Variants in TMBIM6 observed in about 807,000 individuals in gnomAD.
TMBIM6 encodes the protein transmembrane BAX inhibitor motif containing 6.
A neutral mutation model predicts 31.4 loss-of-function variants in TMBIM6; 13 were observed. The observed-to-expected ratio is 0.41, with a 90% CI of 0.27 to 0.66. TMBIM6 has a LOEUF of 0.66. Ranked by LOEUF, TMBIM6 falls within the 30% of genes least tolerant of loss-of-function variation. The pLI is 0.28. For missense variants in TMBIM6, 275 were observed against 289.5 expected (o/e 0.95, Z 0.36); for synonymous variants, 85 against 101.7 (o/e 0.84, Z 0.99).
At chr12:49,761,632 A>G in intron 8 of TMBIM6, 72 bp from the exon 9 acceptor site, 1 of 1,461,452 alleles carries the variant, frequency 6.8e-7, no homozygotes, top group South Asian at 1.2e-5. Flanking sequence ...TGGGGTTTAT[A>G]TTCTGCATCT....
At chr12:49,745,281 A>C (rs1945369576) in intron 1 of TMBIM6, among the ~76,000 whole-genome samples, 1 of 152,214 alleles carries the variant, frequency 6.6e-6, no homozygotes, top group South Asian at 2.1e-4. Context: ...CAAAATGTCC[A>C]TGGCCCTGTG....
In TMBIM6 at chr12:49,755,759, C is replaced by T. The variant is rs542178890; in HGVS notation, c.286+4C>T. The T allele has an allele frequency of 2.7e-5, 43 of 1,612,088 alleles. No individual in the cohort carries two copies. Among genetic ancestry groups the T allele is most frequent in the East Asian group, 8.9e-5 (4 of 44,796 alleles). ...GCTGGATTTGCATTCCTTACAGGTA[C>T]GTTAAGGGATTTGTCTAATTTTGAG... On this transcript the variant is annotated splice_donor_region_variant and intron_variant, in intron 4 of 9. Transcript: ENST00000267115.
rs996570358 is a variant in TMBIM6, at chr12:49,763,786, T to G, written c.*890T>G. ...GAATGGTTGAGCCTCTGGAGATCAT[T>G]GTAACCAATCCTGCCAGACCTGTTT... On this transcript the variant is annotated 3_prime_UTR_variant, in exon 10 of 10. Transcript: ENST00000267115. The G allele has an allele frequency of 9.2e-5, 14 of 152,216 alleles. No homozygotes were observed. Among genetic ancestry groups the G allele is most frequent in the African/African-American group, 3.4e-4 (14 of 41,432 alleles). 9.4% of individuals were successfully genotyped at this position (152,216 alleles called of 1,614,324 possible). A position where few individuals can be genotyped will look rare whatever the true frequency, so the allele number is the denominator to read the frequency against.
intron 1 of TMBIM6, among the ~76,000 whole-genome samples, 193 bp from the exon 2 acceptor site, chr12:49,752,271 C>T (rs979011335): frequency 1.3e-5 from 2 of 152,120 alleles, no homozygotes; most frequent in East Asian, 1.9e-4. Flanking sequence ...ATTCCTCTGT[C>T]GTCTTTAAGA....
In TMBIM6 at chr12:49,763,653, G is replaced by A. The variant is rs1356071962; in HGVS notation, c.*757G>A. ...GTGTATCAAGGTACAGCATCGTAGGGTTCCCCTAAACTTGCCCTGTTTTTG... is the reference window on the plus strand; with the variant it reads ...GTGTATCAAGGTACAGCATCGTAGGATTCCCCTAAACTTGCCCTGTTTTTG... On this transcript the variant is annotated 3_prime_UTR_variant, in exon 10 of 10. Coordinates refer to ENST00000267115, the MANE Select transcript of TMBIM6 (RefSeq NM_003217.3). 6.6e-6 allele frequency: 1 copy of A among 152,250 alleles called. No homozygotes were observed. Among genetic ancestry groups the A allele is most frequent in the Non-Finnish European group, 1.5e-5 (1 of 68,072 alleles). The allele number at this position is 152,250 out of a possible 1,614,324, so 9.4% of individuals were successfully genotyped here.
At position 49,762,910 on chromosome 12, in the gene TMBIM6, C is replaced by T. The variant is rs745385517; in HGVS notation, c.*14C>T. On this transcript the variant is annotated 3_prime_UTR_variant, in exon 10 of 10. Transcript: ENST00000267115. The stretch of plus-strand genomic sequence containing the variant: ...GAGAAGAAATGAAGTGACCATCCAG[C>T]CTTTCCCAATTAGACTTCCTCTCCT... 1 of 1,611,522 alleles carries T rather than the reference C, an allele frequency of 6.2e-7. No individual in the cohort carries two copies. Among genetic ancestry groups the T allele is most frequent in the Admixed American group, 1.7e-5 (1 of 60,008 alleles).
rs528870261 is a variant in TMBIM6 at position 49,764,055 on chromosome 12, T to C, written c.*1159T>C. On this transcript the variant is annotated 3_prime_UTR_variant, in exon 10 of 10. Transcript: ENST00000267115. Reference sequence around the variant, plus strand: ...TTCATTTTACTGATGCACTTTAGTTTTTGGTCTGTTACCTGTTTTCCAGAA... The same window carrying C: ...TTCATTTTACTGATGCACTTTAGTTCTTGGTCTGTTACCTGTTTTCCAGAA... 1 of 152,312 alleles carries C rather than the reference T, an allele frequency of 6.6e-6. No homozygotes were observed. The highest frequency in any genetic ancestry group is 1.5e-5 in the Non-Finnish European group (1 of 68,020). 9.4% of individuals were successfully genotyped at this position (152,312 alleles called of 1,614,324 possible). A position where few individuals can be genotyped will look rare whatever the true frequency, so the allele number is the denominator to read the frequency against.
In TMBIM6 at chr12:49,753,093, T is replaced by TGCTGTGGTACAAA. The variant is rs751537043; in HGVS notation, c.165+12_165+13insGCTGTGGTACAAA. 234 of 1,607,946 alleles carry TGCTGTGGTACAAA rather than the reference T, an allele frequency of 1.5e-4. 3 individuals carry two copies. The Middle Eastern group carries it at 2.6e-3, about 18-fold the overall frequency. ...CTCATTTCATTCAGGTAAGAACGAT[T>TGCTGTGGTACAAA]TTCTCTCCTGGTTGCTGTGGTACAA... On this transcript the variant is annotated intron_variant, in intron 3 of 9. Transcript: ENST00000267115.
At chr12:49,748,003 A>C (rs569560737) in intron 1 of TMBIM6, among the ~76,000 whole-genome samples, 1 of 152,172 alleles carries the variant, frequency 6.6e-6, no homozygotes, top group African/African-American at 2.4e-5. Context: ...TCCCTGGCTC[A>C]AGCGATTCTC....
At chr12:49,759,431 A>G in intron 8 of TMBIM6, 110 bp downstream of exon 8, 3 of 844,476 alleles carry the variant, frequency 3.6e-6, no homozygotes, top group Admixed American at 2.0e-5. Flanking sequence ...TTGGGAGTGT[A>G]TGTGGTAGGA....
chr12:49,743,011 G>C (rs116212927), intron 1 of TMBIM6, among the ~76,000 whole-genome samples: 3,050 of 131,686 alleles, frequency 0.023, 120 homozygotes, highest in African/African-American at 0.083. Flanking sequence ...TTTTGAGGCA[G>C]AGTCTCACTG....
intron 3 of TMBIM6, among the ~76,000 whole-genome samples, chr12:49,754,789 T>C (rs933137229): frequency 1.9e-4 from 29 of 152,344 alleles, no homozygotes; most frequent in African/African-American, 5.8e-4. Context: ...AAAGCTAATA[T>C]GTGTTCATTT....
chr12:49,762,939 ACC>A lies in TMBIM6; in HGVS notation c.*46_*47del, dbSNP rs754060331. 1 of 1,598,824 alleles carries A rather than the reference ACC, an allele frequency of 6.3e-7. No individual in the cohort carries two copies. Among genetic ancestry groups the A allele is most frequent in the Non-Finnish European group, 8.6e-7 (1 of 1,167,866 alleles). Reference sequence around the variant, plus strand: ...TCCCAATTAGACTTCCTCTCCTTCCACCCCTCATTTCCTTTTTGCACACATTA... The same window carrying A: ...TCCCAATTAGACTTCCTCTCCTTCCACCTCATTTCCTTTTTGCACACATTA... On this transcript the variant is annotated 3_prime_UTR_variant, in exon 10 of 10. Coordinates refer to ENST00000267115, the MANE Select transcript of TMBIM6 (RefSeq NM_003217.3).
chr12:49,756,045 GGATGGTCTT>G (rs1385321718), intron 4 of TMBIM6, among the ~76,000 whole-genome samples: 1 of 152,002 alleles, frequency 6.6e-6, no homozygotes, highest in Non-Finnish European at 1.5e-5. Context: ...GTGTTAGCCA[GGATGGTCTT>G]GATCTCCTGA....
At chr12:49,747,078 T>C (rs749659682) in intron 1 of TMBIM6, among the ~76,000 whole-genome samples, 1 of 152,054 alleles carries the variant, frequency 6.6e-6, no homozygotes, top group Admixed American at 6.5e-5. Flanking sequence ...CCTCAGGTGA[T>C]CCACCCACTT....
At chr12:49,759,805 C>CAAAAA (rs57668484) in intron 8 of TMBIM6, among the ~76,000 whole-genome samples, 1 of 91,658 alleles carries the variant, frequency 1.1e-5, no homozygotes. Flanking sequence ...GACCCTGTCT[C>CAAAAA]AAAAAAAAAA....
At position 49,755,655 on chromosome 12, in the gene TMBIM6, G is replaced by A. The variant is rs963221035; in HGVS notation, c.186G>A (p.Leu62=). 6.2e-7 allele frequency: 1 copy of A among 1,613,862 alleles called. No individual in the cohort carries two copies. Among genetic ancestry groups the A allele is most frequent in the African/African-American group, 1.3e-5 (1 of 74,846 alleles). Residue 62 remains leucine (L), a synonymous_variant, in exon 4 of 10, where the codon TTG becomes TTA. Coordinates refer to ENST00000267115, the MANE Select transcript of TMBIM6 (RefSeq NM_003217.3). ...HFIQAGLLSA[L]GSLILMIWLM... Reference sequence around the variant, plus strand: ...AACAGGCTGGCCTGCTGTCTGCCTTGGGCTCCCTGATATTGATGATTTGGC... The same window carrying A: ...AACAGGCTGGCCTGCTGTCTGCCTTAGGCTCCCTGATATTGATGATTTGGC...
intron 1 of TMBIM6, chr12:49,749,889 C>G (rs896505850): frequency 4.9e-4 from 74 of 152,002 alleles, no homozygotes; most frequent in African/African-American, 1.7e-3. Context: ...TACCAGGTTT[C>G]TTTTTTTTCT....
chr12:49,750,202 G>A (rs1169357482), intron 1 of TMBIM6, among the ~76,000 whole-genome samples: 1 of 152,128 alleles, frequency 6.6e-6, no homozygotes, highest in African/African-American at 2.4e-5. Flanking sequence ...AGAAAGGGGA[G>A]TTTCTGCCAT....
Sources: gnomAD v4.1 joint callset for allele counts (sites outside exome capture counted in the v4.1 genomes callset) on GRCh38, gnomAD v4.1.1 for gene constraint, MANE v1.5 for transcripts, NCBI Gene and HGNC (gene_info 2026-07-23, HGNC 2026-07-21) for gene names.